Variants in BCAR3 observed in about 807,000 individuals in gnomAD.
The protein encoded by BCAR3 is BCAR3 adaptor protein, NSP family member, also known as breast cancer anti-estrogen resistance protein 3.
A neutral mutation model predicts 80.1 loss-of-function variants in BCAR3; 37 were observed. That is an observed-to-expected ratio of 0.46 (90% confidence interval 0.36 to 0.61). BCAR3 has a LOEUF of 0.61. Ranked by LOEUF, BCAR3 falls within the 20% of genes least tolerant of loss-of-function variation. The pLI, the probability that BCAR3 is intolerant of heterozygous loss-of-function variation, is 0.00. For missense variants in BCAR3, 978 were observed against 1,068.2 expected (o/e 0.92, Z 1.18); for synonymous variants, 389 against 418.9 (o/e 0.93, Z 0.87).
chr1:93,839,060 T>C (rs538076734), intron 2 of BCAR3, among the ~76,000 whole-genome samples: 1 of 152,150 alleles, frequency 6.6e-6, no homozygotes, highest in South Asian at 2.1e-4. Context: ...CCCAGCACTT[T>C]GGGAGGCCGA....
At chr1:93,789,412 A>C (rs967063053) in intron 2 of BCAR3, among the ~76,000 whole-genome samples, 4 of 152,256 alleles carry the variant, frequency 2.6e-5, no homozygotes, top group Non-Finnish European at 5.9e-5. Context: ...GGCCCTTTGT[A>C]GGAGCTAAAA....
chr1:93,711,112 T>C (rs189414005), intron 2 of BCAR3, among the ~76,000 whole-genome samples: 14 of 152,310 alleles, frequency 9.2e-5, no homozygotes, highest in Admixed American at 6.5e-4. Context: ...GCACCCAAAA[T>C]AGAAGCTGCA....
At chr1:93,796,436 C>T (rs1323961571) in intron 2 of BCAR3, among the ~76,000 whole-genome samples, 1 of 147,788 alleles carries the variant, frequency 6.8e-6, no homozygotes, top group Non-Finnish European at 1.5e-5. Flanking sequence ...CGTCCGTCAC[C>T]CCTTTCTTTG....
intron 3 of BCAR3, among the ~76,000 whole-genome samples, chr1:93,634,245 G>T (rs541533055): frequency 5.1e-4 from 77 of 152,310 alleles, no homozygotes; most frequent in Non-Finnish European, 8.7e-4. Context: ...ATTCACCCAT[G>T]ATATGGTTTG....
rs1293579814 is a variant in BCAR3, at chr1:93,582,559, C to T, written c.1428G>A (p.Leu476=). 13 of 1,613,360 alleles carry T rather than the reference C, an allele frequency of 8.1e-6. No individual in the cohort carries two copies. The highest frequency in any genetic ancestry group is 1.1e-5 in the Non-Finnish European group (13 of 1,179,738). The change falls in exon 7 of 12, where the codon TTG becomes TTA. Residue 476 remains leucine, a synonymous_variant. Transcript: ENST00000260502. ...TTTCCCTGTCATCATCATCAAGGAT[C>T]AAGTAGTTGACGCCAGAGTTCCGGG... The part of the protein sequence containing the change: ...PGPRNSGVNY[L]ILDDDDRERP...
At chr1:93,601,648 C>T (rs1674627203) in intron 3 of BCAR3, among the ~76,000 whole-genome samples, 1 of 152,204 alleles carries the variant, frequency 6.6e-6, no homozygotes. Context: ...TTCTTGGACA[C>T]TTAGTTGTTG....
At chr1:93,708,263 C>T (rs1649893132) in intron 2 of BCAR3, among the ~76,000 whole-genome samples, 1 of 152,248 alleles carries the variant, frequency 6.6e-6, no homozygotes, top group South Asian at 2.1e-4. Flanking sequence ...TCTCATCCTG[C>T]TTCAGGGTCT....
intron 2 of BCAR3, among the ~76,000 whole-genome samples, chr1:93,840,717 T>C (rs1295069363): frequency 6.6e-6 from 1 of 152,190 alleles, no homozygotes; most frequent in Non-Finnish European, 1.5e-5. Context: ...TTATGGAGTG[T>C]CCACTGTGTA....
chr1:93,727,169 G>C (rs1236390873), intron 2 of BCAR3, among the ~76,000 whole-genome samples: 1 of 152,156 alleles, frequency 6.6e-6, no homozygotes, highest in Non-Finnish European at 1.5e-5. Flanking sequence ...TGGTCCTAAA[G>C]TGGGGATGCT....
intron 6 of BCAR3, among the ~76,000 whole-genome samples, chr1:93,583,766 C>T (rs896525574): frequency 5.9e-5 from 9 of 152,188 alleles, no homozygotes; most frequent in Non-Finnish European, 1.2e-4. Flanking sequence ...ATCTGTGCCT[C>T]AGTTTCCTCA....
intron 3 of BCAR3, among the ~76,000 whole-genome samples, chr1:93,689,167 G>A (rs1415167001): frequency 2.6e-5 from 4 of 152,098 alleles, no homozygotes; most frequent in Non-Finnish European, 5.9e-5. Context: ...TCCCAGTGCT[G>A]TGGGAACGCA....
At chr1:93,707,646 G>T (rs1427771392) in intron 2 of BCAR3, among the ~76,000 whole-genome samples, 1 of 152,174 alleles carries the variant, frequency 6.6e-6, no homozygotes, top group Non-Finnish European at 1.5e-5. Flanking sequence ...GGCAGAGGTT[G>T]CAGTGAGCTG....
chr1:93,770,812 T>C (rs894017615), intron 2 of BCAR3, among the ~76,000 whole-genome samples: 1 of 152,036 alleles, frequency 6.6e-6, no homozygotes, highest in South Asian at 2.1e-4. Flanking sequence ...TACTAACAAA[T>C]TGTATTTCAG....
chr1:93,817,203 T>C (rs1029565496), intron 2 of BCAR3, among the ~76,000 whole-genome samples: 1 of 152,236 alleles, frequency 6.6e-6, no homozygotes, highest in African/African-American at 2.4e-5. Flanking sequence ...TAGCCTTATA[T>C]GTGAGCAGGC....
chr1:93,709,054 T>C (rs1215452383), intron 2 of BCAR3, among the ~76,000 whole-genome samples: 4 of 152,010 alleles, frequency 2.6e-5, no homozygotes, highest in African/African-American at 9.7e-5. Context: ...GGAGAAGTGC[T>C]GCGATAAGCT....
chr1:93,581,138 G>A (rs1477806383), intron 7 of BCAR3, among the ~76,000 whole-genome samples: 1 of 151,822 alleles, frequency 6.6e-6, no homozygotes, highest in East Asian at 1.9e-4. Flanking sequence ...TTCCAGCCTG[G>A]GTGACAGAGT....
intron 2 of BCAR3, among the ~76,000 whole-genome samples, chr1:93,655,524 G>T (rs1033964249): frequency 6.6e-6 from 1 of 152,178 alleles, no homozygotes; most frequent in Non-Finnish European, 1.5e-5. Flanking sequence ...AAACTAAGTA[G>T]ATCATGCCTG....
chr1:93,693,641 A>G (rs1029991734), intron 3 of BCAR3, among the ~76,000 whole-genome samples: 2 of 152,242 alleles, frequency 1.3e-5, no homozygotes, highest in Non-Finnish European at 2.9e-5. Context: ...GCTGGGGACA[A>G]CAGATCAGGT....
rs1644844902 is a variant in BCAR3 at position 93,681,800 on chromosome 1, G to GC, written c.-215dup. 6.6e-6 allele frequency: 1 copy of GC among 151,962 alleles called. No individual in the cohort carries two copies. Among genetic ancestry groups the GC allele is most frequent in the Admixed American group, 6.6e-5 (1 of 15,250 alleles). The allele number at this position is 151,962 out of a possible 1,614,324, so 9.4% of individuals were successfully genotyped here. A position where few individuals can be genotyped will look rare whatever the true frequency, so the allele number is the denominator to read the frequency against. ...CCCCGCAGCTCCGGCTCCGGTCCCG[G>GC]CCCCGTCCCCCGCCCGGCCAGCAGC... On this transcript the variant is annotated 5_prime_UTR_variant, in exon 1 of 12. Coordinates refer to ENST00000260502, the MANE Select transcript of BCAR3 (RefSeq NM_003567.4).
Sources: gnomAD v4.1 joint callset for allele counts (sites outside exome capture counted in the v4.1 genomes callset) on GRCh38, gnomAD v4.1.1 for gene constraint, MANE v1.5 for transcripts, NCBI Gene and HGNC (gene_info 2026-07-23, HGNC 2026-07-21) for gene names.